Variants in ENTR1 observed in about 807,000 individuals in gnomAD.
ENTR1 encodes endosome-associated-trafficking regulator 1.
A neutral mutation model predicts 47.9 loss-of-function variants in ENTR1; 47 were observed. The ratio of observed to expected loss-of-function variants is 0.98; its 90% confidence interval spans 0.78 to 1.25. The LOEUF is 1.25. Ranked by LOEUF, ENTR1 falls within the 50% of genes most tolerant of loss-of-function variation. The probability of loss-of-function intolerance (pLI) is 0.00; values close to 1 mark genes in which losing one functional copy is unlikely to be tolerated. For missense variants in ENTR1, 668 were observed against 570.5 expected (o/e 1.17, Z -1.74); for synonymous variants, 290 against 245.8 (o/e 1.18, Z -1.68).
chr9:136,409,891 G>C (rs188706966), intron 2 of ENTR1, 199 bp downstream of exon 2: 1 of 736,964 alleles, frequency 1.4e-6, no homozygotes, highest in East Asian at 2.7e-5. Flanking sequence ...TACTGGAACT[G>C]TCTGTCTTGG....
chr9:136,409,128 T>G, intron 2 of ENTR1, 61 bp from the exon 3 acceptor site: 4 of 1,509,410 alleles, frequency 2.7e-6, no homozygotes, highest in South Asian at 1.1e-5. Flanking sequence ...TCACATTTGG[T>G]TTTTTTCTTT....
At chr9:136,402,984 A>AG (rs1188638463) in intron 9 of ENTR1, 97 bp from the exon 10 acceptor site, 2 of 240,108 alleles carry the variant, frequency 8.3e-6, no homozygotes, top group South Asian at 2.5e-5. Context: ...AGGGGGAAAA[A>AG]GGGAGGGGTT....
chr9:136,404,480 T>C, intron 8 of ENTR1, 151 bp downstream of exon 8: 1 of 892,808 alleles, frequency 1.1e-6, no homozygotes, highest in Non-Finnish European at 1.7e-6. Flanking sequence ...CTTCACGCCC[T>C]GACAGGAAGC....
chr9:136,406,782 A>AT (rs886196551), intron 5 of ENTR1, among the ~76,000 whole-genome samples: 97 of 149,844 alleles, frequency 6.5e-4, no homozygotes, highest in African/African-American at 2.1e-3. Flanking sequence ...CAGCTAAAAA[A>AT]TTTTTTTTTT....
chr9:136,408,710 G>A (rs1003093233), intron 3 of ENTR1, among the ~76,000 whole-genome samples: 5 of 152,028 alleles, frequency 3.3e-5, no homozygotes, highest in African/African-American at 9.7e-5. Flanking sequence ...TCTTGCCACC[G>A]CCTTCCCACC....
intron 2 of ENTR1, among the ~76,000 whole-genome samples, chr9:136,409,452 A>G (rs1312691526): frequency 6.6e-6 from 1 of 152,142 alleles, no homozygotes; most frequent in Non-Finnish European, 1.5e-5. Context: ...AAGTGCTGGG[A>G]TTACAGGCGT....
In ENTR1 at chr9:136,402,749, G is replaced by C; in HGVS notation, c.*39C>G. 7.2e-7 allele frequency: 1 copy of C among 1,381,586 alleles called. No homozygotes were observed. The highest frequency in any genetic ancestry group is 1.0e-6 in the Non-Finnish European group (1 of 971,094). 85.6% of individuals were successfully genotyped at this position (1,381,586 alleles called of 1,614,324 possible). A position where few individuals can be genotyped will look rare whatever the true frequency, so the allele number is the denominator to read the frequency against. On this transcript the variant is annotated 3_prime_UTR_variant, in exon 10 of 10. Transcript: ENST00000357365. ...TAGATCGAGCGGTGGTGACCTCAGG[G>C]TATACACGGAGCTTCATGCTGAGAA...
At chr9:136,409,847 G>T in intron 2 of ENTR1, 1 of 651,336 alleles carries the variant, frequency 1.5e-6, no homozygotes, top group Non-Finnish European at 2.9e-6. Flanking sequence ...GAAAGCGGGC[G>T]GGCTCCTGTG....
chr9:136,410,547 C>A lies in ENTR1; in HGVS notation c.-150G>T, dbSNP rs1442404333. The A allele has an allele frequency of 1.5e-5, 17 of 1,117,538 alleles. No homozygotes were observed. The highest frequency in any genetic ancestry group is 2.7e-4 in the Middle Eastern group (1 of 3,694). 69.2% of individuals were successfully genotyped at this position (1,117,538 alleles called of 1,614,324 possible). On this transcript the variant is annotated 5_prime_UTR_variant, in exon 1 of 10. Transcript: ENST00000357365. ...GCCGCCCCCGCGCCTCCGAGCCTCT[C>A]GCCGCTGCTTCCGCTCCGAGCACCG...
chr9:136,407,705 G>T, intron 4 of ENTR1, 121 bp downstream of exon 4: 1 of 1,376,812 alleles, frequency 7.3e-7, no homozygotes, highest in Non-Finnish European at 1.0e-6. Context: ...GCCCAGAGCT[G>T]CTCCCCAGCA....
chr9:136,410,072 G>C lies in ENTR1; in HGVS notation c.220+18C>G, dbSNP rs761552439. ...GGGAACTGGAAGCGTCCCCGGGGCC[G>C]GCGCCCTCGTCTCTCACCTGTGTCT... On this transcript the variant is annotated intron_variant, in intron 2 of 9. Coordinates refer to ENST00000357365, the MANE Select transcript of ENTR1 (RefSeq NM_001039707.2). 25 of 1,612,492 alleles carry C rather than the reference G, an allele frequency of 1.6e-5. No individual in the cohort carries two copies. Among genetic ancestry groups the C allele is most frequent in the Non-Finnish European group, 2.1e-5 (25 of 1,179,832 alleles).
intron 1 of ENTR1, 36 bp from the exon 2 acceptor site, chr9:136,410,275 CG>C: frequency 6.4e-7 from 1 of 1,553,086 alleles, no homozygotes; most frequent in Non-Finnish European, 8.7e-7. Flanking sequence ...TACTGCGTGC[CG>C]GGGCGGCCGC....
In ENTR1 at chr9:136,406,566, T is replaced by G. The variant is rs866997421; in HGVS notation, c.819+579A>C. The stretch of plus-strand genomic sequence containing the variant: ...ACCTCGGCTCACCGCAACCTCCGCC[T>G]CCCGGGTTCAAGCGATTCTCCTGCC... On this transcript the variant is annotated intron_variant, in intron 5 of 9. Coordinates refer to ENST00000357365, the MANE Select transcript of ENTR1 (RefSeq NM_001039707.2). Among the ~76,000 whole-genome samples, 16 of 151,936 alleles carry G rather than the reference T, an allele frequency of 1.1e-4. No homozygotes were observed. The South Asian group carries it at 3.3e-3, about 32-fold the overall frequency.
In ENTR1 at chr9:136,408,993, C is replaced by T. The variant is rs747701621; in HGVS notation, c.289+6G>A. On this transcript the variant is annotated splice_donor_region_variant and intron_variant, in intron 3 of 9. Transcript: ENST00000357365. ...ACAAGAAGAAAAGGTTGCTGAACTA[C>T]TCTACCTCCAAAATGTGTCCCGTGG... The T allele has an allele frequency of 3.1e-6, 5 of 1,611,808 alleles. No individual in the cohort carries two copies. Among genetic ancestry groups the T allele is most frequent in the African/African-American group, 2.7e-5 (2 of 74,864 alleles).
rs1834866804 is a variant in ENTR1, at chr9:136,408,016, C to T, written c.290-78G>A. ...GGAACCTTCCTGTTCACCTGTCTTTCCAGAGCATGGCCACATGTGAGATCG... is the reference window on the plus strand; with the variant it reads ...GGAACCTTCCTGTTCACCTGTCTTTTCAGAGCATGGCCACATGTGAGATCG... On this transcript the variant is annotated intron_variant, in intron 3 of 9. Transcript: ENST00000357365. 15 of 923,784 alleles carry T rather than the reference C, an allele frequency of 1.6e-5. No homozygotes were observed. In the South Asian group the frequency reaches 2.0e-4, roughly 12 times the overall value. The allele number at this position is 923,784 out of a possible 1,614,324, so 57.2% of individuals were successfully genotyped here. A position where few individuals can be genotyped will look rare whatever the true frequency, so the allele number is the denominator to read the frequency against.
intron 9 of ENTR1, 116 bp downstream of exon 9, chr9:136,403,939 T>A: frequency 7.9e-7 from 1 of 1,263,234 alleles, no homozygotes; most frequent in Non-Finnish European, 1.1e-6. Flanking sequence ...TCCCTGCAGC[T>A]CCCTGGTCCT....
At chr9:136,404,946 C>G (rs55910133) in intron 7 of ENTR1, 145 bp downstream of exon 7, 13 of 711,844 alleles carry the variant, frequency 1.8e-5, no homozygotes, top group Non-Finnish European at 2.9e-5. Flanking sequence ...CACAGCGAGA[C>G]AGCGACGTCA....
At position 136,407,285 on chromosome 9, in the gene ENTR1, G is replaced by C. The variant is rs764207939; in HGVS notation, c.679C>G (p.Leu227Val). ...GTGTCACTCAACGCCCACGAGGGCA[G>C]AGACTCAGGCCCTGCCAGCTCCGAC... ...TPSELAGPES[L>V]PSWALSDTDS... is the part of the protein sequence containing the mutation. Residue 227 changes from leucine (L) to valine (V), a missense_variant, in exon 5 of 10, where the codon CTG becomes GTG. Leu to Val is a conservative substitution (Grantham distance 32). Coordinates refer to ENST00000357365, the MANE Select transcript of ENTR1 (RefSeq NM_001039707.2). 22 of 1,612,648 alleles carry C rather than the reference G, an allele frequency of 1.4e-5. No individual in the cohort carries two copies. Among genetic ancestry groups the C allele is most frequent in the Non-Finnish European group, 1.7e-5 (20 of 1,179,926 alleles).
Position 136,404,141 on chromosome 9 carries a change from A to T in ENTR1, c.1122T>A (p.Gly374=), listed in dbSNP as rs1051957. The part of the protein sequence containing the change: ...RENEALRCGQ[G]ASLTVVKQNA... ...TCTGCTTCACCACGGTCAGGCTGGC[A>T]CCCTGGCCGCACCGCAGGGCTTCAT... Residue 374 remains glycine (G), a synonymous_variant, in exon 9 of 10, where the codon GGT becomes GGA. Transcript: ENST00000357365. 1 of 1,612,756 alleles carries T rather than the reference A, an allele frequency of 6.2e-7. No individual in the cohort carries two copies. Among genetic ancestry groups the T allele is most frequent in the African/African-American group, 1.3e-5 (1 of 74,928 alleles).
Sources: allele counts gnomAD v4.1 joint callset (sites outside exome capture counted in the v4.1 genomes callset), GRCh38; gene constraint gnomAD v4.1.1; transcripts MANE v1.5; gene names NCBI Gene and HGNC (gene_info 2026-07-23, HGNC 2026-07-21).